Variants in MTARC1 observed in about 807,000 individuals in gnomAD.
The protein encoded by MTARC1 is mitochondrial amidoxime reducing component 1.
A neutral mutation model predicts 33.6 loss-of-function variants in MTARC1; 24 were observed. The ratio of observed to expected loss-of-function variants is 0.72; its 90% CI spans 0.52 to 1.01. The LOEUF (loss-of-function observed/expected upper bound fraction) is 1.01. MTARC1 is among the 50% of genes least tolerant of loss of function. The pLI, the probability that MTARC1 is intolerant of heterozygous loss-of-function variation, is 0.00. For synonymous variants in MTARC1, 187 were observed against 189.5 expected (o/e 0.99, Z 0.11); for missense variants, 417 against 445.7 (o/e 0.94, Z 0.58).
At chr1:220,799,135 G>C (rs1016440528) in intron 4 of MTARC1, 1 of 985,258 alleles carries the variant, frequency 1.0e-6, no homozygotes, top group African/African-American at 1.7e-5. Flanking sequence ...TAATTTATGA[G>C]ATGTATAAAA....
chr1:220,795,390 T>G (rs879914183), intron 2 of MTARC1, among the ~76,000 whole-genome samples: 5 of 152,238 alleles, frequency 3.3e-5, no homozygotes, highest in Non-Finnish European at 5.9e-5. Context: ...CTTGATCCAC[T>G]AAGCTTTCTC....
At chr1:220,791,391 G>A in intron 1 of MTARC1, 100 bp from the exon 2 acceptor site, 2 of 1,336,216 alleles carry the variant, frequency 1.5e-6, no homozygotes, top group South Asian at 2.7e-5. Flanking sequence ...GGCTTATGGG[G>A]AAGAAATCAA....
chr1:220,802,533 T>C (rs1472862894), intron 4 of MTARC1, among the ~76,000 whole-genome samples: 3 of 152,230 alleles, frequency 2.0e-5, no homozygotes, highest in African/African-American at 7.2e-5. Context: ...GGTTTTGCCA[T>C]GTTGGCCAGG....
chr1:220,801,542 A>G (rs913039097), intron 4 of MTARC1, among the ~76,000 whole-genome samples: 2 of 152,176 alleles, frequency 1.3e-5, no homozygotes, highest in Non-Finnish European at 2.9e-5. Flanking sequence ...TCCAGGAGAA[A>G]GGGGGGCACT....
chr1:220,807,862 G>A (rs987835122), intron 6 of MTARC1, among the ~76,000 whole-genome samples: 1 of 152,078 alleles, frequency 6.6e-6, no homozygotes. Context: ...GAGCTACTAG[G>A]GGCAGAAAGC....
At chr1:220,788,193 T>C (rs1326950036) in intron 1 of MTARC1, among the ~76,000 whole-genome samples, 3 of 152,170 alleles carry the variant, frequency 2.0e-5, no homozygotes, top group African/African-American at 7.2e-5. Flanking sequence ...TTTGTTAATG[T>C]CCTGTCTGGG....
intron 4 of MTARC1, among the ~76,000 whole-genome samples, chr1:220,803,523 T>C (rs1226800931): frequency 1.3e-5 from 2 of 152,160 alleles, no homozygotes; most frequent in East Asian, 3.9e-4. Context: ...CCCCCTCCCC[T>C]GGGAAGCCTG....
At chr1:220,800,907 C>T (rs574395168) in intron 4 of MTARC1, among the ~76,000 whole-genome samples, 2 of 152,262 alleles carry the variant, frequency 1.3e-5, no homozygotes, top group South Asian at 2.1e-4. Flanking sequence ...CCCCCCCACT[C>T]CCCTCTCTGC....
rs7553447 is a variant in MTARC1, at chr1:220,816,192, C to T, written c.*2774C>T. ...GCATGGGGAGGTTGGGTAAATTAGA[C>T]TAGCCAAATGGGACTTCGGGAAACC... On this transcript the variant is annotated 3_prime_UTR_variant, in exon 7 of 7. Transcript: ENST00000366910. The T allele has an allele frequency of 0.29, 44,382 of 152,060 alleles. 6,464 individuals are homozygous for T. The highest frequency in any genetic ancestry group is 0.31 in the Admixed American group (4,792 of 15,282). The allele number at this position is 152,060 out of a possible 1,614,324, so 9.4% of individuals were successfully genotyped here.
intron 4 of MTARC1, among the ~76,000 whole-genome samples, chr1:220,800,971 C>G (rs1672780628): frequency 1.3e-5 from 2 of 152,182 alleles, no homozygotes; most frequent in Admixed American, 1.3e-4. Context: ...GGCCTCCTTG[C>G]CCCACCCTTG....
rs201547324 is a variant in MTARC1 at position 220,797,923 on chromosome 1, T to C, written c.662T>C (p.Leu221Pro). The change falls in exon 4 of 7, where the codon CTG (leucine) becomes CCG (proline). Residue 221 changes from leucine to proline, a missense_variant. Transcript: ENST00000366910. ...SPFLILSEAS[L>P]ADLNSRLEKK... ...TTCTTGATCCTTTCTGAGGCGTCGC[T>C]GGCGGATCTCAACTCCAGGCTAGAG... 3.3e-5 allele frequency: 54 copies of C among 1,614,106 alleles called. No homozygotes were observed. Among genetic ancestry groups the C allele is most frequent in the Admixed American group, 8.3e-5 (5 of 60,016 alleles).
At chr1:220,792,484 A>G (rs1672455939) in intron 2 of MTARC1, among the ~76,000 whole-genome samples, 2 of 152,204 alleles carry the variant, frequency 1.3e-5, no homozygotes, top group Admixed American at 6.5e-5. Flanking sequence ...CAAAAAATGT[A>G]GTTATCTGAA....
chr1:220,812,801 T>C (rs1045310664), intron 6 of MTARC1, among the ~76,000 whole-genome samples: 6 of 151,972 alleles, frequency 3.9e-5, no homozygotes, highest in Non-Finnish European at 7.4e-5. Flanking sequence ...CTCCGCTCAC[T>C]GCAAGCTCCG....
rs141164939 is a variant in MTARC1, at chr1:220,817,374, A to T, written c.*3956A>T. The T allele has an allele frequency of 6.6e-6, 1 of 152,366 alleles. No homozygotes were observed. Among genetic ancestry groups the T allele is most frequent in the African/African-American group, 2.4e-5 (1 of 41,508 alleles). 9.4% of individuals were successfully genotyped at this position (152,366 alleles called of 1,614,324 possible). ...AGCAGTAGCAAGATTTATTGTGGAGAGCGAAAGAACAAAGCTTCGGAAGGG... is the reference window on the plus strand; with the variant it reads ...AGCAGTAGCAAGATTTATTGTGGAGTGCGAAAGAACAAAGCTTCGGAAGGG... On this transcript the variant is annotated 3_prime_UTR_variant, in exon 7 of 7. Transcript: ENST00000366910.
intron 6 of MTARC1, among the ~76,000 whole-genome samples, chr1:220,809,292 G>T (rs1673057571): frequency 6.6e-6 from 1 of 152,178 alleles, no homozygotes; most frequent in African/African-American, 2.4e-5. Context: ...TGTACACAGT[G>T]ACCATGTAAG....
Position 220,819,576 on chromosome 1 carries a change from C to T in MTARC1, c.*6158C>T, listed in dbSNP as rs941300291. 1 of 152,208 alleles carries T rather than the reference C, an allele frequency of 6.6e-6. No individual in the cohort carries two copies. The highest frequency in any genetic ancestry group is 2.4e-5 in the African/African-American group (1 of 41,456). The allele number at this position is 152,208 out of a possible 1,614,324, so 9.4% of individuals were successfully genotyped here. On this transcript the variant is annotated 3_prime_UTR_variant, in exon 7 of 7. Transcript: ENST00000366910. ...ACCATTAATGCCTGATGGGGTGAAT[C>T]TTAGTTCTTAAAGCTATATTCTGCT...
chr1:220,798,951 T>C, intron 4 of MTARC1: 1 of 985,414 alleles, frequency 1.0e-6, no homozygotes, highest in Non-Finnish European at 1.2e-6. Context: ...TCTAAGAATT[T>C]GATTCCCACA....
chr1:220,806,306 C>T (rs1038897266), intron 6 of MTARC1, among the ~76,000 whole-genome samples: 4 of 152,086 alleles, frequency 2.6e-5, no homozygotes, highest in Admixed American at 6.5e-5. Flanking sequence ...TTCTCTACAG[C>T]CCCTGAGACC....
At chr1:220,787,302 CAG>C in intron 1 of MTARC1, 83 bp downstream of exon 1, 1 of 1,419,214 alleles carries the variant, frequency 7.0e-7, no homozygotes, top group Non-Finnish European at 9.2e-7. Context: ...GGGAGGTCTG[CAG>C]AGTCTGCTAA....
Sources: allele counts gnomAD v4.1 joint callset (sites outside exome capture counted in the v4.1 genomes callset), GRCh38; gene constraint gnomAD v4.1.1; transcripts MANE v1.5; gene names NCBI Gene and HGNC (gene_info 2026-07-23, HGNC 2026-07-21).